DMD: variants seen among roughly 807,000 people sequenced by gnomAD.
The protein encoded by DMD is dystrophin.
Under a neutral mutation model 330.1 loss-of-function variants are expected in DMD, and 63 were observed. The ratio of observed to expected loss-of-function variants is 0.19; its 90% CI spans 0.16 to 0.24. The LOEUF is 0.24. Ranked by LOEUF, DMD falls within the 10% of genes least tolerant of loss-of-function variation. DMD has a pLI of 1.00. For synonymous variants in DMD, 1,223 were observed against 959.8 expected, an observed-to-expected ratio of 1.27 and a Z score of -5.07; for missense variants, 3,344 against 2,684.1, an observed-to-expected ratio of 1.25 and a Z score of -5.43.
rs370310164 is a variant in DMD at position 32,545,308 on chromosome X, C to T, written c.2019G>A (p.Gln673=). Reference sequence around the variant, plus strand: ...TTACAGTTGTCTGTGTTAGTGATGGCTGAGTGGTGGTGACAGCCTGTGAAA... The same window carrying T: ...TTACAGTTGTCTGTGTTAGTGATGGTTGAGTGGTGGTGACAGCCTGTGAAA... ...AQISQAVTTT[Q]PSLTQTTVME... Residue 673 remains glutamine, a synonymous_variant, in exon 17 of 79, where the codon CAG becomes CAA. Coordinates refer to ENST00000357033, the MANE Select transcript of DMD (RefSeq NM_004006.3). 4.1e-6 allele frequency: 5 copies of T among 1,208,924 alleles called. No homozygotes were observed. Among genetic ancestry groups the T allele is most frequent in the Non-Finnish European group, 5.6e-6 (5 of 894,635 alleles).
chrX:31,574,206 C>T (rs2075981166), intron 55 of DMD, among the ~76,000 whole-genome samples: 2 of 96,977 alleles, frequency 2.1e-5, no homozygotes, highest in Non-Finnish European at 4.0e-5. Flanking sequence ...TGCAGTGACT[C>T]GATCTCGGCT....
intron 1 of DMD, among the ~76,000 whole-genome samples, chrX:33,083,881 G>T (rs1247171233): frequency 9.1e-6 from 1 of 110,388 alleles, no homozygotes; most frequent in African/African-American, 3.3e-5. Context: ...ACCCCATGCT[G>T]GATCTACAGA....
chrX:32,562,908 G>C (rs1406580119), intron 16 of DMD, among the ~76,000 whole-genome samples: 1 of 111,777 alleles, frequency 8.9e-6, no homozygotes, highest in Non-Finnish European at 1.9e-5. Flanking sequence ...TTTTTGGAAA[G>C]GCAATGAGAG....
Position 32,486,197 on chromosome X carries a change from G to C in DMD, c.2623-1098C>G, listed in dbSNP as rs781594151. On this transcript the variant is annotated intron_variant, in intron 20 of 78. Transcript: ENST00000357033. The stretch of plus-strand genomic sequence containing the variant: ...ACTGTCACTAGCTCATGTGGCAACT[G>C]GGCACCTGAAATGTGGCTGGTCCAA... 9.9e-5 allele frequency among the ~76,000 whole-genome samples: 11 copies of C among 110,926 alleles called. No homozygotes were observed. In the South Asian group the frequency reaches 3.1e-3, roughly 31 times the overall value.
At chrX:32,491,569 G>T in intron 19 of DMD, 51 bp from the exon 20 acceptor site, 2 of 1,118,114 alleles carry the variant, frequency 1.8e-6, no homozygotes, top group Admixed American at 4.6e-5. Flanking sequence ...CAGACTGAAA[G>T]AAATGATCTG....
chrX:31,203,935 T>C (rs747024845), intron 67 of DMD, 26 bp downstream of exon 67: 16 of 1,176,011 alleles, frequency 1.4e-5, no homozygotes, highest in Admixed American at 4.4e-5. Flanking sequence ...AGAATAAATA[T>C]GTTACCTAGA....
At chrX:33,159,895 A>T in intron 1 of DMD, among the ~76,000 whole-genome samples, 1 of 111,700 alleles carries the variant, frequency 9.0e-6, no homozygotes, top group Middle Eastern at 4.6e-3. Context: ...AAATACAATC[A>T]ATTTTTTATC....
At chrX:32,679,398 G>A (rs978807297) in intron 9 of DMD, among the ~76,000 whole-genome samples, 9 of 110,660 alleles carry the variant, frequency 8.1e-5, no homozygotes, top group Non-Finnish European at 1.5e-4. Flanking sequence ...TCCACAATAT[G>A]CAATTCAGAT....
At chrX:32,326,093 C>G (rs1306179657) in intron 41 of DMD, among the ~76,000 whole-genome samples, 1 of 111,825 alleles carries the variant, frequency 8.9e-6, no homozygotes, top group African/African-American at 3.3e-5. Context: ...TTTGGCCTGG[C>G]ACATTAGACC....
At chrX:32,750,876 C>T (rs1254985701) in intron 7 of DMD, among the ~76,000 whole-genome samples, 1 of 111,436 alleles carries the variant, frequency 9.0e-6, no homozygotes, top group African/African-American at 3.3e-5. Context: ...CCGTGCTGTT[C>T]TCATGATAGT....
chrX:31,856,692 T>C (rs1386421840), intron 48 of DMD, among the ~76,000 whole-genome samples: 1 of 112,288 alleles, frequency 8.9e-6, no homozygotes, highest in African/African-American at 3.2e-5. Context: ...ATCTGTTCAG[T>C]TTTGAGTGAA....
intron 44 of DMD, among the ~76,000 whole-genome samples, chrX:32,178,141 A>C (rs1252348585): frequency 9.2e-6 from 1 of 108,440 alleles, no homozygotes; most frequent in Non-Finnish European, 1.9e-5. Context: ...TCTAGTAGGC[A>C]AGCAGAAACC....
At chrX:31,439,274 A>G (rs1201203701) in intron 60 of DMD, among the ~76,000 whole-genome samples, 2 of 112,018 alleles carry the variant, frequency 1.8e-5, no homozygotes, top group Non-Finnish European at 3.8e-5. Flanking sequence ...TAAGCAGTAA[A>G]GGGAGTTTTG....
intron 60 of DMD, among the ~76,000 whole-genome samples, chrX:31,436,425 A>G (rs2064533760): frequency 9.1e-6 from 1 of 110,454 alleles, no homozygotes; most frequent in Non-Finnish European, 1.9e-5. Flanking sequence ...CATTCTGTAC[A>G]TCGTTCATTT....
At chrX:33,307,150 T>C (rs938963353) in intron 1 of DMD, among the ~76,000 whole-genome samples, 1 of 111,253 alleles carries the variant, frequency 9.0e-6, no homozygotes, top group Admixed American at 9.6e-5. Flanking sequence ...TGCATGATCA[T>C]TGCAACTCGA....
intron 1 of DMD, among the ~76,000 whole-genome samples, chrX:33,208,010 G>C (rs1361614672): frequency 9.0e-6 from 1 of 111,254 alleles, no homozygotes; most frequent in Admixed American, 9.6e-5. Context: ...GAAAACCATT[G>C]CCTCTCTCTG....
rs745924377 is a variant in DMD, at chrX:32,510,976, C to T, written c.2292+7032G>A. Among the ~76,000 whole-genome samples, 3 of 110,023 alleles carry T rather than the reference C, an allele frequency of 2.7e-5. No individual in the cohort carries two copies. The Admixed American group carries it at 2.9e-4, about 11-fold the overall frequency. On this transcript the variant is annotated intron_variant, in intron 18 of 78. Coordinates refer to ENST00000357033, the MANE Select transcript of DMD (RefSeq NM_004006.3). ...GGCTCTGATCTTCCACCTCCTCTCT[C>T]TATGTGTGTGTATGTACATATATGT...
chrX:31,511,495 A>G (rs1465523522), intron 55 of DMD, among the ~76,000 whole-genome samples: 5 of 47,142 alleles, frequency 1.1e-4, no homozygotes, highest in African/African-American at 4.6e-4. Context: ...CCCCCACCCC[A>G]CAACAGTCCC....
At chrX:31,960,653 T>A (rs1185445459) in intron 45 of DMD, among the ~76,000 whole-genome samples, 1 of 112,069 alleles carries the variant, frequency 8.9e-6, no homozygotes, top group Non-Finnish European at 1.9e-5. Flanking sequence ...TAAAGTACAT[T>A]CACTTGTATA....
Sources: allele counts gnomAD v4.1 joint callset (sites outside exome capture counted in the v4.1 genomes callset), GRCh38; gene constraint gnomAD v4.1.1; transcripts MANE v1.5; gene names NCBI Gene and HGNC (gene_info 2026-07-23, HGNC 2026-07-21).